The following CACNA1A variants were observed in gnomAD, a reference collection of about 807,000 sequenced individuals.
The protein encoded by CACNA1A is calcium voltage-gated channel subunit alpha1 A.
A neutral mutation model predicts 262.4 loss-of-function variants in CACNA1A; 57 were observed. The observed-to-expected ratio is 0.22, with a 90% CI of 0.18 to 0.27. The LOEUF is 0.27. Ranked by LOEUF, CACNA1A falls within the 10% of genes least tolerant of loss-of-function variation. The probability of loss-of-function intolerance (pLI) is 1.00; values close to 1 mark genes in which losing one functional copy is unlikely to be tolerated. For missense variants in CACNA1A, 2,526 were observed against 3,562.8 expected, an observed-to-expected ratio of 0.71 and a Z score of 7.41; for synonymous variants, 1,431 against 1,419.3, an observed-to-expected ratio of 1.01 and a Z score of -0.18.
intron 1 of CACNA1A, among the ~76,000 whole-genome samples, chr19:13,459,272 T>C (rs28419740): frequency 0.065 from 9,948 of 152,172 alleles, 376 homozygotes; most frequent in South Asian, 0.14. Context: ...GGAAGCACCA[T>C]AAAACCATCC....
chr19:13,343,223 G>C (rs2058706090), intron 6 of CACNA1A, among the ~76,000 whole-genome samples: 1 of 151,834 alleles, frequency 6.6e-6, no homozygotes, highest in Non-Finnish European at 1.5e-5. Context: ...CTGGGTCCAA[G>C]TGATTCTCTG....
intron 30 of CACNA1A, among the ~76,000 whole-genome samples, chr19:13,246,929 C>T (rs75882884): frequency 0.09 from 13,673 of 152,222 alleles, 1,040 homozygotes; most frequent in East Asian, 0.46. Context: ...CCTGGCCTCT[C>T]TTTTGTTAAA....
At chr19:13,496,055 TCCA>T (rs1981479962) in intron 1 of CACNA1A, among the ~76,000 whole-genome samples, 1 of 139,960 alleles carries the variant, frequency 7.1e-6, no homozygotes, top group Non-Finnish European at 1.5e-5. Flanking sequence ...CATCCATCCA[TCCA>T]TCCATCCATC....
At chr19:13,371,163 G>A (rs984386942) in intron 4 of CACNA1A, 1 of 152,468 alleles carries the variant, frequency 6.6e-6, no homozygotes, top group Non-Finnish European at 1.5e-5. Context: ...TGTTCGCTGG[G>A]TGACTGTGAG....
At chr19:13,336,679 G>A (rs1034721507) in intron 6 of CACNA1A, among the ~76,000 whole-genome samples, 4 of 148,638 alleles carry the variant, frequency 2.7e-5, no homozygotes, top group African/African-American at 7.4e-5. Context: ...AGTATTTATG[G>A]TGTGCTGGCA....
At chr19:13,268,388 C>T (rs1387901528) in intron 24 of CACNA1A, among the ~76,000 whole-genome samples, 7 of 151,532 alleles carry the variant, frequency 4.6e-5, no homozygotes, top group Non-Finnish European at 7.4e-5. Context: ...TGTCGCCAAG[C>T]GGACTCTATG....
In CACNA1A at chr19:13,320,254, G is replaced by A. The variant is rs538046169; in HGVS notation, c.1346-2933C>T. ...CCACAGATCGAGAGAGAGAGAGAGA[G>A]AGAGAGAGAGAGAGAGAGAGAAACC... is the stretch of plus-strand genomic sequence containing the variant. On this transcript the variant is annotated intron_variant, in intron 10 of 46. Transcript: ENST00000360228. Among the ~76,000 whole-genome samples the A allele has an allele frequency of 1.7e-3, 253 of 151,848 alleles. 1 individual carries two copies. The highest frequency in any genetic ancestry group is 3.2e-3 in the Non-Finnish European group (218 of 67,958).
At chr19:13,275,534 T>A (rs925428663) in intron 24 of CACNA1A, 1 of 393,110 alleles carries the variant, frequency 2.5e-6, no homozygotes, top group East Asian at 5.1e-5. Flanking sequence ...TGTGGAGTAG[T>A]AGGGGGATGA....
At chr19:13,263,700 T>C (rs2056794299) in intron 24 of CACNA1A, among the ~76,000 whole-genome samples, 2 of 152,062 alleles carry the variant, frequency 1.3e-5, no homozygotes, top group South Asian at 4.2e-4. Context: ...TTTGTATTTT[T>C]AGTAGAGATG....
chr19:13,401,686 T>C (rs1194619711), intron 3 of CACNA1A, among the ~76,000 whole-genome samples: 1 of 152,124 alleles, frequency 6.6e-6, no homozygotes, highest in African/African-American at 2.4e-5. Context: ...CCCCAGCTGC[T>C]GTCTCAATGT....
rs2059931613 is a variant in CACNA1A at position 13,402,879 on chromosome 19, T to TAC, written c.540-31101_540-31100insGT. On this transcript the variant is annotated intron_variant, in intron 3 of 46. Transcript: ENST00000360228. ...ATATACACACACACACACACATATA[T>TAC]ATATATATATATATATATATATATA... 6.2e-5 allele frequency among the ~76,000 whole-genome samples: 4 copies of TAC among 64,060 alleles called. No homozygotes were observed. In the Admixed American group the frequency reaches 7.0e-4, roughly 11 times the overall value. 42.0% of individuals were successfully genotyped at this position (64,060 alleles called of 152,430 possible).
intron 3 of CACNA1A, among the ~76,000 whole-genome samples, chr19:13,441,365 A>T (rs2060716145): frequency 1.3e-5 from 2 of 152,176 alleles, no homozygotes; most frequent in Admixed American, 6.5e-5. Context: ...TTATTTTTTG[A>T]GACAGAGTCC....
intron 25 of CACNA1A, 150 bp from the exon 26 acceptor site, chr19:13,261,760 G>T: frequency 1.4e-6 from 1 of 704,602 alleles, no homozygotes; most frequent in Non-Finnish European, 2.3e-6. Flanking sequence ...GGTCCCCCCA[G>T]CTTTCAGAAA....
At chr19:13,437,305 GCT>G (rs1306288858) in intron 3 of CACNA1A, among the ~76,000 whole-genome samples, 2 of 152,230 alleles carry the variant, frequency 1.3e-5, no homozygotes, top group Non-Finnish European at 2.9e-5. Context: ...CCCAGCAGAT[GCT>G]CAGTTCATGC....
chr19:13,346,654 ATATATATATATATTTTTTTTTTTTTTTT>A (rs2058786635), intron 6 of CACNA1A, among the ~76,000 whole-genome samples: 1 of 5,540 alleles, frequency 1.8e-4, no homozygotes, highest in Non-Finnish European at 2.9e-4. Flanking sequence ...ATATATATAT[ATATATATATATATTTTTTTTTTTTTTTT>A]TTTTTTTTTT....
chr19:13,340,743 T>A (rs533940424), intron 6 of CACNA1A, among the ~76,000 whole-genome samples: 1 of 152,136 alleles, frequency 6.6e-6, no homozygotes, highest in African/African-American at 2.4e-5. Flanking sequence ...TCAAGTTACA[T>A]GCCCACAGTT....
chr19:13,219,173 C>T (rs1040626266), intron 38 of CACNA1A, among the ~76,000 whole-genome samples: 6 of 150,864 alleles, frequency 4.0e-5, no homozygotes, highest in Non-Finnish European at 8.8e-5. Flanking sequence ...TTCCAAGTAG[C>T]TGGGATTACT....
At chr19:13,424,766 T>C (rs1403733451) in intron 3 of CACNA1A, among the ~76,000 whole-genome samples, 1 of 151,730 alleles carries the variant, frequency 6.6e-6, no homozygotes, top group African/African-American at 2.4e-5. Flanking sequence ...TAAGTCATAG[T>C]TCTTGGCCAT....
At chr19:13,208,108 G>A in intron 46 of CACNA1A, 55 bp from the exon 47 acceptor site, 1 of 1,082,280 alleles carries the variant, frequency 9.2e-7, no homozygotes, top group Non-Finnish European at 1.1e-6. Flanking sequence ...CAAAATCAAA[G>A]GAGACACGGG....
Sources: allele counts gnomAD v4.1 joint callset (sites outside exome capture counted in the v4.1 genomes callset), GRCh38; gene constraint gnomAD v4.1.1; transcripts MANE v1.5; gene names NCBI Gene and HGNC (gene_info 2026-07-23, HGNC 2026-07-21).